FAT2: variants seen among roughly 807,000 people sequenced by gnomAD.
FAT2 encodes the protein protocadherin Fat 2.
In FAT2, 150 loss-of-function variants were observed where a neutral mutation model predicts 295.3. That is an observed-to-expected ratio of 0.51 (90% confidence interval 0.44 to 0.58). The LOEUF (loss-of-function observed/expected upper bound fraction) is 0.58, where lower values mean the gene tolerates loss of function less well. Among genes scored for constraint, FAT2 ranks in the 20% least tolerant of loss-of-function variants. The pLI is 0.00. For synonymous variants in FAT2, 2,026 were observed against 2,150.3 expected, an observed-to-expected ratio of 0.94 and a Z score of 1.60; for missense variants, 4,868 against 5,442.7, an observed-to-expected ratio of 0.89 and a Z score of 3.32.
intron 13 of FAT2, among the ~76,000 whole-genome samples, chr5:151,533,708 A>C (rs1254973526): frequency 6.6e-6 from 1 of 152,002 alleles, no homozygotes; most frequent in African/African-American, 2.4e-5. Flanking sequence ...GGAAAATTGG[A>C]CAGGTTATAT....
chr5:151,554,862 A>T (rs550662373), intron 4 of FAT2, among the ~76,000 whole-genome samples, 189 bp from the exon 5 acceptor site: 17 of 152,340 alleles, frequency 1.1e-4, no homozygotes, highest in African/African-American at 3.6e-4. Flanking sequence ...GAGAACAGAG[A>T]AAGGAAGCAG....
upstream of FAT2, among the ~76,000 whole-genome samples, chr5:151,591,381 C>T (rs1452274874): frequency 7.2e-5 from 11 of 152,068 alleles, no homozygotes; most frequent in Non-Finnish European, 1.3e-4. Flanking sequence ...AGAATTGAGG[C>T]GGATCATCCC....
At chr5:151,507,934 C>A (rs528749370) in intron 22 of FAT2, among the ~76,000 whole-genome samples, 33 of 152,290 alleles carry the variant, frequency 2.2e-4, no homozygotes, top group African/African-American at 7.5e-4. Context: ...GTAGAGACAT[C>A]GACTCTCTAG....
At chr5:151,594,468 A>G (rs541241857), upstream of FAT2, among the ~76,000 whole-genome samples, 2 of 150,786 alleles carry the variant, frequency 1.3e-5, no homozygotes, top group Admixed American at 6.6e-5. Context: ...ATCAGTATTC[A>G]TAACTGATTC....
intron 3 of FAT2, among the ~76,000 whole-genome samples, chr5:151,560,146 A>C (rs3097779): frequency 0.65 from 99,223 of 152,016 alleles, 32,535 homozygotes; most frequent in Admixed American, 0.72. Flanking sequence ...GGTCTTGCCC[A>C]AGCTGCCTTT....
In FAT2 at chr5:151,545,376, G is replaced by A. The variant is rs745404172; in HGVS notation, c.5751C>T (p.Thr1917=). ...ATATGCTACCAGTGACAGGATGGAT[G>A]GTAACAGCTTCATCAGCATTGCCAG... The part of the protein sequence containing the change: ...IKTGNADEAV[T]IHPVTGSISV... Residue 1917 remains threonine, a synonymous_variant, in exon 10 of 24, where the codon ACC becomes ACT. Transcript: ENST00000261800. 1.4e-5 allele frequency: 22 copies of A among 1,614,122 alleles called. No individual in the cohort carries two copies. The highest frequency in any genetic ancestry group is 1.8e-5 in the Non-Finnish European group (21 of 1,180,016).
In FAT2 at chr5:151,567,621, C is replaced by A. The variant is rs535169885; in HGVS notation, c.1311G>T (p.Pro437=). 1 of 1,614,050 alleles carries A rather than the reference C, an allele frequency of 6.2e-7. No homozygotes were observed. Among genetic ancestry groups the A allele is most frequent in the Non-Finnish European group, 8.5e-7 (1 of 1,179,988 alleles). ...TGACCACCACGGTGGAGGCCTGGCC[C>A]GGTGAGGTTCTGATGTGTAGCTGAT... The part of the protein sequence containing the change: ...AHYQLHIRTS[P]GQASTVVVID... The change falls in exon 2 of 24, where the codon CCG becomes CCT. Residue 437 remains proline (P), a synonymous_variant. Coordinates refer to ENST00000261800, the MANE Select transcript of FAT2 (RefSeq NM_001447.3).
rs1291466065 is a variant in FAT2 at position 151,521,534 on chromosome 5, C to G, written c.11059G>C (p.Glu3687Gln). ...VAGVDVLLVF[E>Q]GHSGTFYEFQ... is the part of the protein sequence containing the mutation. ...TCGTAGAAGGTTCCAGAATGCCCCTCAAAGACCAGGAGCACATCCACACCA... is the reference window on the plus strand; with the variant it reads ...TCGTAGAAGGTTCCAGAATGCCCCTGAAAGACCAGGAGCACATCCACACCA... Residue 3687 changes from glutamate to glutamine, a missense_variant, in exon 19 of 24, where the codon GAG becomes CAG. Glu to Gln is a conservative substitution (Grantham distance 29). Around this residue, in one of 5 missense-constraint regions of FAT2, gnomAD observed 1,046 missense variants for 1,210.1 expected, o/e 0.86. Transcript: ENST00000261800. 5 of 1,614,220 alleles carry G rather than the reference C, an allele frequency of 3.1e-6. No homozygotes were observed. The highest frequency in any genetic ancestry group is 4.2e-6 in the Non-Finnish European group (5 of 1,180,042).
At chr5:151,526,018 C>T (rs2127585034) in intron 17 of FAT2, 53 bp from the exon 18 acceptor site, 1 of 1,555,532 alleles carries the variant, frequency 6.4e-7, no homozygotes. Context: ...CCCGGTCCTT[C>T]CTTTCGCACG....
chr5:151,543,573 A>G lies in FAT2; in HGVS notation c.7554T>C (p.Tyr2518=). The part of the protein sequence containing the change: ...KDSGPYGTID[Y]TIINKLASEK... ...CACTTGCTAGTTTATTGATGATAGT[A>G]TAATCTATAGTGCCATAGGGACCAC... Residue 2518 remains tyrosine (Y), a synonymous_variant, in exon 10 of 24, where the codon TAT becomes TAC. Coordinates refer to ENST00000261800, the MANE Select transcript of FAT2 (RefSeq NM_001447.3). 1 of 1,614,198 alleles carries G rather than the reference A, an allele frequency of 6.2e-7. No individual in the cohort carries two copies. The highest frequency in any genetic ancestry group is 8.5e-7 in the Non-Finnish European group (1 of 1,180,030).
At chr5:151,571,868 A>G (rs566430072) in intron 1 of FAT2, among the ~76,000 whole-genome samples, 1 of 152,300 alleles carries the variant, frequency 6.6e-6, no homozygotes, top group Non-Finnish European at 1.5e-5. Flanking sequence ...TAGCACTTAG[A>G]TTAAAATAGA....
In FAT2 at chr5:151,563,369, G is replaced by T. The variant is rs2127641532; in HGVS notation, c.3530C>A (p.Thr1177Asn). The T allele has an allele frequency of 6.2e-7, 1 of 1,614,214 alleles. No homozygotes were observed. The highest frequency in any genetic ancestry group is 8.5e-7 in the Non-Finnish European group (1 of 1,180,026). The change falls in exon 3 of 24, where the codon ACC (threonine) becomes AAC (asparagine). Residue 1177 changes from threonine (T) to asparagine (N), a missense_variant. Physicochemically the swap from Thr to Asn is moderately conservative, Grantham distance 65 (BLOSUM62 0). Around this residue, in one of 5 missense-constraint regions of FAT2, gnomAD observed 3,297 missense variants for 3,669.4 expected, o/e 0.90. Transcript: ENST00000261800. Reference protein sequence around the residue: ...SSKGKLTFNITSGNYMGFFMI... With the variant: ...SSKGKLTFNINSGNYMGFFMI... ...AAAGAATCCCATGTAGTTCCCACTG[G>T]TGATGTTGAAGGTCAGCTTCCCTTT...
chr5:151,524,434 G>A (rs760457014), intron 18 of FAT2, among the ~76,000 whole-genome samples: 3 of 80,660 alleles, frequency 3.7e-5, no homozygotes, highest in Admixed American at 2.9e-4. Context: ...TTATGAGAAG[G>A]GCCATGTGAT....
intron 15 of FAT2, among the ~76,000 whole-genome samples, chr5:151,528,366 G>A (rs770949975): frequency 1.2e-4 from 18 of 152,308 alleles, no homozygotes; most frequent in East Asian, 5.8e-4. Context: ...GCTAGGCCCT[G>A]TCCTAGAATG....
intron 22 of FAT2, chr5:151,509,745 T>TAATA: frequency 3.0e-6 from 1 of 334,478 alleles, no homozygotes. Flanking sequence ...AATGTAATAA[T>TAATA]AATAGAAATA....
chr5:151,572,710 G>C (rs1206667230), intron 1 of FAT2, among the ~76,000 whole-genome samples: 1 of 152,220 alleles, frequency 6.6e-6, no homozygotes, highest in African/African-American at 2.4e-5. Flanking sequence ...AGACATATTC[G>C]TTATTAGATT....
chr5:151,566,614 G>A lies in FAT2; in HGVS notation c.2318C>T (p.Thr773Ile), dbSNP rs751559914. The A allele has an allele frequency of 2.5e-6, 4 of 1,614,206 alleles. No homozygotes were observed. Among genetic ancestry groups the A allele is most frequent in the South Asian group, 2.2e-5 (2 of 91,088 alleles). The change falls in exon 2 of 24, where the codon ACT becomes ATT. Residue 773 changes from threonine to isoleucine, a missense_variant. Physicochemically the swap from Thr to Ile is moderately conservative, Grantham distance 89 (BLOSUM62 -1). Transcript: ENST00000261800. ...TTCATAGTCCAAGGGAGCAGCTACA[G>A]TGAGCAGCCCTGTCTCCAGCTCTAT... ...FDIELETGLL[T>I]VAAPLDYEAT...
intron 11 of FAT2, among the ~76,000 whole-genome samples, chr5:151,540,318 C>A (rs1755987272): frequency 6.6e-6 from 1 of 152,048 alleles, no homozygotes; most frequent in Non-Finnish European, 1.5e-5. Flanking sequence ...TGATGGCCAG[C>A]CTCAGAGATG....
At chr5:151,556,725 C>T (rs889956770) in intron 3 of FAT2, among the ~76,000 whole-genome samples, 32 of 152,062 alleles carry the variant, frequency 2.1e-4, no homozygotes, top group African/African-American at 7.0e-4. Flanking sequence ...TTAAAATAGG[C>T]TTTATGTGAG....
Sources: gnomAD v4.1 joint callset for allele counts (sites outside exome capture counted in the v4.1 genomes callset) on GRCh38, gnomAD v4.1.1 for gene constraint, gnomAD v4.1.1 regional missense constraint, MANE v1.5 for transcripts, NCBI Gene and HGNC (gene_info 2026-07-23, HGNC 2026-07-21) for gene names.